CENPP: variants seen among roughly 807,000 people sequenced by gnomAD.
CENPP encodes centromere protein P.
Under a neutral mutation model 35.6 loss-of-function variants are expected in CENPP, and 24 were observed. The observed-to-expected ratio is 0.67, with a 90% CI of 0.49 to 0.95. The LOEUF (loss-of-function observed/expected upper bound fraction) is 0.95. Among genes scored for constraint, CENPP ranks in the 40% least tolerant of loss-of-function variants. CENPP has a pLI of 0.00. For synonymous variants in CENPP, 120 were observed against 125.5 expected (o/e 0.96, Z 0.29); for missense variants, 332 against 345.3 (o/e 0.96, Z 0.31).
chr9:92,557,933 G>A (rs193017421), intron 5 of CENPP, among the ~76,000 whole-genome samples: 1 of 152,248 alleles, frequency 6.6e-6, no homozygotes, highest in Non-Finnish European at 1.5e-5. Context: ...GTGAGCCACC[G>A]CGCCTGGCCT....
chr9:92,553,301 T>G (rs1849653052), intron 5 of CENPP, among the ~76,000 whole-genome samples: 1 of 152,244 alleles, frequency 6.6e-6, no homozygotes, highest in South Asian at 2.1e-4. Flanking sequence ...TTATGCTGTT[T>G]TGGTGACTGT....
chr9:92,387,253 T>A (rs1057409140), intron 5 of CENPP, among the ~76,000 whole-genome samples: 3 of 150,990 alleles, frequency 2.0e-5, no homozygotes, highest in Non-Finnish European at 4.4e-5. Context: ...ATGCCTGTAA[T>A]CCCAGCTACT....
chr9:92,511,793 AT>A (rs1204559981), intron 5 of CENPP, among the ~76,000 whole-genome samples: 7 of 152,186 alleles, frequency 4.6e-5, no homozygotes, highest in African/African-American at 1.7e-4. Flanking sequence ...CACTGATGCT[AT>A]TGTTGGTGTC....
At chr9:92,433,018 T>A (rs1403674258) in intron 5 of CENPP, among the ~76,000 whole-genome samples, 2 of 152,200 alleles carry the variant, frequency 1.3e-5, no homozygotes, top group Non-Finnish European at 2.9e-5. Flanking sequence ...ATAAAAAACA[T>A]ACCGTGAGAT....
intron 5 of CENPP, among the ~76,000 whole-genome samples, chr9:92,591,980 C>G (rs1850673130): frequency 6.6e-6 from 1 of 151,814 alleles, no homozygotes; most frequent in African/African-American, 2.4e-5. Context: ...GTGCAGCACA[C>G]CAACATGGCA....
At chr9:92,541,038 G>A (rs960532556) in intron 5 of CENPP, among the ~76,000 whole-genome samples, 1 of 152,012 alleles carries the variant, frequency 6.6e-6, no homozygotes, top group Non-Finnish European at 1.5e-5. Context: ...GAGGTGGGCA[G>A]ATCACAAGGT....
At chr9:92,393,015 A>G (rs1399414603) in intron 5 of CENPP, 5 of 1,274,906 alleles carry the variant, frequency 3.9e-6, no homozygotes, top group Non-Finnish European at 4.4e-6. Flanking sequence ...GCAACTATAT[A>G]GAAACTTGTG....
At chr9:92,459,517 T>G in intron 5 of CENPP, 1 of 983,716 alleles carries the variant, frequency 1.0e-6, no homozygotes, top group Non-Finnish European at 1.5e-6. Flanking sequence ...TGGAGAGTCA[T>G]TATGTTTGAA....
Position 92,496,554 on chromosome 9 carries a change from A to G in CENPP, c.565-114760A>G, listed in dbSNP as rs1332127229. ...TCTGCCTTTAGGAGTTAAGTTTAACATTTGTTAAAAAAATTTTGTTCTTAA... is the reference window on the plus strand; with the variant it reads ...TCTGCCTTTAGGAGTTAAGTTTAACGTTTGTTAAAAAAATTTTGTTCTTAA... On this transcript the variant is annotated intron_variant, in intron 5 of 7. Coordinates refer to ENST00000375587, the MANE Select transcript of CENPP (RefSeq NM_001012267.3). 15 of 1,543,102 alleles carry G rather than the reference A, an allele frequency of 9.7e-6. No individual in the cohort carries two copies. In the East Asian group the frequency reaches 3.0e-4, roughly 31 times the overall value.
rs927129554 is a variant in CENPP, at chr9:92,578,252, G to A, written c.565-33062G>A. ...CTTTGCTATTGTGAATAATGCCGCA[G>A]TAAACATACGTGTGCATGTGTCTTT... On this transcript the variant is annotated intron_variant, in intron 5 of 7. Transcript: ENST00000375587. Among the ~76,000 whole-genome samples the A allele has an allele frequency of 2.9e-3, 434 of 152,094 alleles. 3 individuals carry two copies. The highest frequency in any genetic ancestry group is 9.8e-3 in the African/African-American group (407 of 41,502).
At chr9:92,367,836 A>C (rs117487019) in intron 4 of CENPP, among the ~76,000 whole-genome samples, 1,639 of 152,260 alleles carry the variant, frequency 0.011, 21 homozygotes, top group South Asian at 0.054. Context: ...CAGTCTGTTC[A>C]AACTCCTGAC....
intron 5 of CENPP, chr9:92,500,757 T>C (rs776930712): frequency 1.9e-6 from 3 of 1,613,192 alleles, no homozygotes; most frequent in Admixed American, 1.7e-5. Flanking sequence ...CCTCAGAAAA[T>C]GTAGTGCTTT....
rs1851530047 is a variant in CENPP at position 92,618,800 on chromosome 9, G to A, written c.*5651G>A. ...GTTCAAAAGCACCGGGAAAGTGAGT[G>A]GCTGGCAGCCAGCAACCAAGGTCAT... On this transcript the variant is annotated 3_prime_UTR_variant, in exon 8 of 8. Coordinates refer to ENST00000375587, the MANE Select transcript of CENPP (RefSeq NM_001012267.3). The A allele has an allele frequency of 2.8e-6, 1 of 353,490 alleles. No individual in the cohort carries two copies. The highest frequency in any genetic ancestry group is 5.6e-6 in the Non-Finnish European group (1 of 179,754). 21.9% of individuals were successfully genotyped at this position (353,490 alleles called of 1,614,324 possible).
chr9:92,509,377 A>G (rs1847200909), intron 5 of CENPP, among the ~76,000 whole-genome samples: 1 of 152,214 alleles, frequency 6.6e-6, no homozygotes, highest in African/African-American at 2.4e-5. Context: ...TTCATATTCC[A>G]TGCATAATTC....
At chr9:92,341,675 C>T (rs536644185) in intron 3 of CENPP, 22 of 152,388 alleles carry the variant, frequency 1.4e-4, no homozygotes, top group Admixed American at 1.2e-3. Flanking sequence ...ATGGTTTGGC[C>T]TGCTGGGCCT....
At chr9:92,329,401 G>A (rs1338700509) in intron 1 of CENPP, among the ~76,000 whole-genome samples, 1 of 151,992 alleles carries the variant, frequency 6.6e-6, no homozygotes, top group African/African-American at 2.4e-5. Flanking sequence ...GGGCAGTCTG[G>A]TCTCGAACTC....
chr9:92,403,389 T>C (rs1042326858), intron 5 of CENPP: 7 of 1,611,212 alleles, frequency 4.3e-6, no homozygotes, highest in Non-Finnish European at 5.9e-6. Context: ...AGGAGAAGTG[T>C]AGACTGCAGA....
intron 5 of CENPP, among the ~76,000 whole-genome samples, chr9:92,412,483 CA>C (rs1190888616): frequency 1.3e-5 from 2 of 152,090 alleles, no homozygotes; most frequent in Non-Finnish European, 2.9e-5. Flanking sequence ...AAAAAGAAAC[CA>C]TATACCCATT....
intron 5 of CENPP, among the ~76,000 whole-genome samples, chr9:92,463,791 C>T (rs1235438658): frequency 1.3e-5 from 2 of 152,212 alleles, no homozygotes; most frequent in African/African-American, 4.8e-5. Flanking sequence ...CATCCACCTC[C>T]TTTAAAGCTA....
Sources: gnomAD v4.1 joint callset for allele counts (sites outside exome capture counted in the v4.1 genomes callset) on GRCh38, gnomAD v4.1.1 for gene constraint, MANE v1.5 for transcripts, NCBI Gene and HGNC (gene_info 2026-07-23, HGNC 2026-07-21) for gene names.